The following DPP6 variants were observed in gnomAD, a reference collection of about 807,000 sequenced individuals.
DPP6 encodes the protein dipeptidyl peptidase like 6.
In DPP6, 69 loss-of-function variants were observed where a neutral mutation model predicts 122.6. That is an observed-to-expected ratio of 0.56 (90% CI 0.46 to 0.69). The LOEUF is 0.69. Ranked by LOEUF, DPP6 falls within the 30% of genes least tolerant of loss-of-function variation. The probability of loss-of-function intolerance (pLI) is 0.00; values close to 1 mark genes in which losing one functional copy is unlikely to be tolerated. For missense variants in DPP6, 928 were observed against 1,116.9 expected, an observed-to-expected ratio of 0.83 and a Z score of 2.41; for synonymous variants, 418 against 433.1, an observed-to-expected ratio of 0.97 and a Z score of 0.43.
intron 5 of DPP6, among the ~76,000 whole-genome samples, chr7:154,620,280 T>C (rs1222464310): frequency 6.6e-6 from 1 of 152,228 alleles, no homozygotes; most frequent in African/African-American, 2.4e-5. Flanking sequence ...ACCCTGAGCA[T>C]ATGGTGACTA....
intron 1 of DPP6, among the ~76,000 whole-genome samples, chr7:154,378,660 C>T (rs766162670): frequency 6.6e-6 from 1 of 152,190 alleles, no homozygotes; most frequent in Non-Finnish European, 1.5e-5. Flanking sequence ...CCTCTACCCT[C>T]ATGACCCAAT....
the DPP6 span, among the ~76,000 whole-genome samples, chr7:153,825,240 A>T: frequency 6.6e-6 from 1 of 152,156 alleles, no homozygotes; most frequent in African/African-American, 2.4e-5. Context: ...CTGTTTTGTA[A>T]TGAAAAATGG....
At chr7:154,539,640 GA>G (rs367612575) in intron 3 of DPP6, among the ~76,000 whole-genome samples, 3,213 of 139,542 alleles carry the variant, frequency 0.023, 73 homozygotes, top group African/African-American at 0.066. Context: ...ATACAAAAAA[GA>G]AAAAAAAAAG....
Position 154,804,971 on chromosome 7 carries a change from C to T in DPP6, c.1547+7C>T. The T allele has an allele frequency of 6.3e-7, 1 of 1,592,566 alleles. No homozygotes were observed. The highest frequency in any genetic ancestry group is 8.6e-7 in the Non-Finnish European group (1 of 1,168,850). ...GGAGACGACAACTCTACAGGTAACTCCTGCTCCCCCTGCACACAGGGCTCT... is the reference window on the plus strand; with the variant it reads ...GGAGACGACAACTCTACAGGTAACTTCTGCTCCCCCTGCACACAGGGCTCT... On this transcript the variant is annotated splice_region_variant and intron_variant, in intron 15 of 25. Transcript: ENST00000377770.
Position 154,562,827 on chromosome 7 carries a change from T to A in DPP6, c.553-4015T>A, listed in dbSNP as rs913791901. ...TATTTAAATTAAAATATACATGTAC[T>A]TTTATATGTACAAAGCATCAATTAT... On this transcript the variant is annotated intron_variant, in intron 4 of 25. Coordinates refer to ENST00000377770, the MANE Select transcript of DPP6 (RefSeq NM_130797.4). 3.3e-5 allele frequency among the ~76,000 whole-genome samples: 5 copies of A among 152,288 alleles called. No individual in the cohort carries two copies. The South Asian group carries it at 6.2e-4, about 19-fold the overall frequency.
intron 10 of DPP6, among the ~76,000 whole-genome samples, chr7:154,774,498 A>C (rs982452413): frequency 3.9e-5 from 6 of 152,214 alleles, no homozygotes; most frequent in African/African-American, 1.4e-4. Flanking sequence ...CACAGGCTTG[A>C]TTAGCTTCAA....
chr7:154,076,503 A>T (rs1236465349), intron 1 of DPP6, among the ~76,000 whole-genome samples: 2 of 151,044 alleles, frequency 1.3e-5, no homozygotes, highest in Non-Finnish European at 2.9e-5. Flanking sequence ...TCCATATAAA[A>T]AATATAGGAA....
chr7:154,703,496 G>A (rs1157221992), intron 7 of DPP6, among the ~76,000 whole-genome samples: 1 of 151,858 alleles, frequency 6.6e-6, no homozygotes, highest in Non-Finnish European at 1.5e-5. Flanking sequence ...GTGGGTGCCT[G>A]TAATCTTAGC....
chr7:154,233,656 C>T (rs1364652952), intron 1 of DPP6, among the ~76,000 whole-genome samples: 1 of 152,118 alleles, frequency 6.6e-6, no homozygotes, highest in African/African-American at 2.4e-5. Flanking sequence ...ACCAGCAAAC[C>T]CACCAAAAAC....
chr7:154,515,223 T>A (rs1826392296), intron 3 of DPP6, among the ~76,000 whole-genome samples: 1 of 152,208 alleles, frequency 6.6e-6, no homozygotes, highest in Non-Finnish European at 1.5e-5. Flanking sequence ...TGGCCTGTCA[T>A]AAAATTTGCA....
intron 16 of DPP6, among the ~76,000 whole-genome samples, chr7:154,835,742 A>G (rs1800996667): frequency 6.6e-6 from 1 of 152,196 alleles, no homozygotes; most frequent in Non-Finnish European, 1.5e-5. Context: ...AGTGTACAAA[A>G]TGCCCATTCT....
chr7:153,983,892 C>T (rs1350116474), intron 1 of DPP6, among the ~76,000 whole-genome samples: 1 of 152,018 alleles, frequency 6.6e-6, no homozygotes, highest in Non-Finnish European at 1.5e-5. Flanking sequence ...TCTAACCAGT[C>T]CCAGTGAGAC....
At chr7:154,736,740 T>C (rs1842586635) in intron 8 of DPP6, among the ~76,000 whole-genome samples, 1 of 152,256 alleles carries the variant, frequency 6.6e-6, no homozygotes, top group South Asian at 2.1e-4. Context: ...GTATTTTATA[T>C]TGTATGTTTC....
intron 1 of DPP6, among the ~76,000 whole-genome samples, chr7:153,888,388 G>A (rs2128992133): frequency 6.6e-6 from 1 of 152,350 alleles, no homozygotes; most frequent in African/African-American, 2.4e-5. Context: ...GAAGGCTCCG[G>A]GCAGCTGGCC....
rs149385399 is a variant in DPP6, at chr7:154,743,546, C to T, written c.883+15659C>T. On this transcript the variant is annotated intron_variant, in intron 8 of 25. Coordinates refer to ENST00000377770, the MANE Select transcript of DPP6 (RefSeq NM_130797.4). ...AAGGCTGAATTTTCGTTAAGCTGCT[C>T]AAATGCCTGCTTTAACAAAAGTCTG... Among the ~76,000 whole-genome samples, 30 of 152,336 alleles carry T rather than the reference C, an allele frequency of 2.0e-4. No individual in the cohort carries two copies. The East Asian group carries it at 5.8e-3, about 29-fold the overall frequency.
intron 8 of DPP6, among the ~76,000 whole-genome samples, chr7:154,751,242 A>G (rs984297066): frequency 6.6e-6 from 1 of 152,116 alleles, no homozygotes; most frequent in Non-Finnish European, 1.5e-5. Context: ...GCCTGGGATC[A>G]GGTGGTGAGT....
At chr7:154,079,049 G>A (rs1304964026) in intron 1 of DPP6, among the ~76,000 whole-genome samples, 1 of 151,674 alleles carries the variant, frequency 6.6e-6, no homozygotes, top group Non-Finnish European at 1.5e-5. Flanking sequence ...ACGCGGTCAG[G>A]AGATGGAGAC....
intron 3 of DPP6, among the ~76,000 whole-genome samples, chr7:154,491,527 A>G (rs1430075116): frequency 6.6e-6 from 1 of 152,044 alleles, no homozygotes; most frequent in Admixed American, 6.5e-5. Flanking sequence ...TCTTCCCATC[A>G]TCTTCCTTTG....
chr7:154,803,974 C>G lies in DPP6; in HGVS notation c.1499+19C>G, dbSNP rs1490275585. The G allele has an allele frequency of 1.2e-6, 2 of 1,611,454 alleles. No individual in the cohort carries two copies. The highest frequency in any genetic ancestry group is 3.4e-5 in the Admixed American group (2 of 59,694). ...ATAAGATGTGAGTGAGAACCAGGGG[C>G]CTGCCCCATCTTACTGGCCAATGGG... On this transcript the variant is annotated intron_variant, in intron 14 of 25. Coordinates refer to ENST00000377770, the MANE Select transcript of DPP6 (RefSeq NM_130797.4).
Sources: allele counts gnomAD v4.1 joint callset (sites outside exome capture counted in the v4.1 genomes callset), GRCh38; gene constraint gnomAD v4.1.1; transcripts MANE v1.5; gene names NCBI Gene and HGNC (gene_info 2026-07-23, HGNC 2026-07-21).